The following MARCHF1 variants were observed in gnomAD, a reference collection of about 807,000 sequenced individuals.
The protein encoded by MARCHF1 is E3 ubiquitin-protein ligase MARCHF1.
A neutral mutation model predicts 54.2 loss-of-function variants in MARCHF1; 40 were observed. That is an observed-to-expected ratio of 0.74 (90% CI 0.57 to 0.96). The LOEUF is 0.96. Among genes scored for constraint, MARCHF1 ranks in the 40% least tolerant of loss-of-function variants. The probability of loss-of-function intolerance (pLI) is 0.00; values close to 1 mark genes in which losing one functional copy is unlikely to be tolerated. For synonymous variants in MARCHF1, 236 were observed against 236.3 expected (o/e 1.00, Z 0.01); for missense variants, 586 against 656.5 (o/e 0.89, Z 1.17).
chr4:163,684,190 G>A (rs572662715), intron 5 of MARCHF1, among the ~76,000 whole-genome samples: 1 of 152,288 alleles, frequency 6.6e-6, no homozygotes, highest in African/African-American at 2.4e-5. Context: ...TAGTTTCAAG[G>A]AGAAGGGAAC....
chr4:163,661,176 G>A (rs141346376), intron 5 of MARCHF1, among the ~76,000 whole-genome samples: 3 of 152,030 alleles, frequency 2.0e-5, no homozygotes, highest in Middle Eastern at 6.8e-3. Context: ...TTGGCTACAC[G>A]AATATTAAGT....
chr4:163,634,475 C>T (rs1265889029), intron 5 of MARCHF1, among the ~76,000 whole-genome samples: 2 of 145,288 alleles, frequency 1.4e-5, no homozygotes, highest in Non-Finnish European at 3.0e-5. Flanking sequence ...GACTTTAAAC[C>T]AACAAAGATC....
At chr4:163,778,146 C>T (rs931470423) in intron 4 of MARCHF1, among the ~76,000 whole-genome samples, 1 of 143,662 alleles carries the variant, frequency 7.0e-6, no homozygotes, top group African/African-American at 2.5e-5. Flanking sequence ...GGATATACCA[C>T]AGTTTTCTTA....
chr4:164,033,448 T>G (rs2110998738), intron 2 of MARCHF1, among the ~76,000 whole-genome samples: 1 of 152,160 alleles, frequency 6.6e-6, no homozygotes, highest in South Asian at 2.1e-4. Flanking sequence ...ACTAAAGAGC[T>G]TCTGCACAGC....
intron 2 of MARCHF1, among the ~76,000 whole-genome samples, chr4:164,091,875 T>TGTGTGG (rs1755310552): frequency 6.6e-6 from 1 of 151,080 alleles, no homozygotes; most frequent in Admixed American, 6.6e-5. Flanking sequence ...TGTGTGTGTG[T>TGTGTGG]GTGTGTGTGT....
chr4:164,208,909 T>C (rs1344522680), intron 1 of MARCHF1, among the ~76,000 whole-genome samples: 4 of 152,060 alleles, frequency 2.6e-5, no homozygotes, highest in Non-Finnish European at 5.9e-5. Flanking sequence ...GAGATCATAC[T>C]ACTCTAGTTT....
chr4:164,170,255 G>A (rs186263035), intron 1 of MARCHF1, among the ~76,000 whole-genome samples: 171 of 152,124 alleles, frequency 1.1e-3, no homozygotes, highest in African/African-American at 3.9e-3. Context: ...CACTGTCATG[G>A]ACACAGAGCT....
Position 163,985,229 on chromosome 4 carries a change from A to C in MARCHF1, c.-39+3272T>G, listed in dbSNP as rs761822043. Among the ~76,000 whole-genome samples the C allele has an allele frequency of 1.2e-4, 18 of 152,286 alleles. No homozygotes were observed. The East Asian group carries it at 3.5e-3, about 29-fold the overall frequency. On this transcript the variant is annotated intron_variant, in intron 3 of 9. Coordinates refer to ENST00000514618, the MANE Select transcript of MARCHF1 (RefSeq NM_001394959.1). Reference sequence around the variant, plus strand: ...TGTAGTAACCACTGGTTTTGCTAACAACATCTTCTGCCAGGACTGCAAGTC... The same window carrying C: ...TGTAGTAACCACTGGTTTTGCTAACCACATCTTCTGCCAGGACTGCAAGTC...
chr4:164,061,538 G>A (rs1298244874), intron 2 of MARCHF1, among the ~76,000 whole-genome samples: 1 of 63,500 alleles, frequency 1.6e-5, no homozygotes, highest in Admixed American at 1.5e-4. Flanking sequence ...TTGTGGGGTG[G>A]GGGGAGGGGG....
At chr4:163,724,133 T>G (rs1745573426) in intron 4 of MARCHF1, among the ~76,000 whole-genome samples, 1 of 145,420 alleles carries the variant, frequency 6.9e-6, no homozygotes, top group Non-Finnish European at 1.6e-5. Flanking sequence ...TTCTGCTCTG[T>G]TTTTTCCCCA....
chr4:163,678,952 C>T (rs1366609079), intron 5 of MARCHF1, among the ~76,000 whole-genome samples: 1 of 152,178 alleles, frequency 6.6e-6, no homozygotes, highest in Non-Finnish European at 1.5e-5. Context: ...TCCATACCTG[C>T]CCTGATTTCC....
At chr4:164,187,356 A>G (rs1190004006) in intron 1 of MARCHF1, among the ~76,000 whole-genome samples, 1 of 152,172 alleles carries the variant, frequency 6.6e-6, no homozygotes, top group East Asian at 1.9e-4. Context: ...GAAAATATGA[A>G]TAATGTCTTT....
At chr4:164,117,749 A>C (rs1023860212) in intron 1 of MARCHF1, among the ~76,000 whole-genome samples, 6 of 151,904 alleles carry the variant, frequency 3.9e-5, no homozygotes, top group African/African-American at 1.5e-4. Flanking sequence ...AAAATACAAA[A>C]ATTAGGTGGG....
intron 2 of MARCHF1, among the ~76,000 whole-genome samples, chr4:164,090,182 C>T (rs1023719308): frequency 1.3e-5 from 2 of 151,980 alleles, no homozygotes; most frequent in African/African-American, 4.8e-5. Context: ...TGAAGTATCA[C>T]TTTTGCCTTG....
At chr4:164,253,484 G>A (rs113112007) in intron 1 of MARCHF1, among the ~76,000 whole-genome samples, 2 of 152,188 alleles carry the variant, frequency 1.3e-5, no homozygotes, top group African/African-American at 4.8e-5. Context: ...TTAATAACAA[G>A]TCAGAACTAA....
chr4:164,303,053 G>A (rs557905908), intron 1 of MARCHF1, among the ~76,000 whole-genome samples: 36 of 152,118 alleles, frequency 2.4e-4, no homozygotes, highest in African/African-American at 8.7e-4. Context: ...TCATCTTTCT[G>A]GAGTGGTTGG....
chr4:163,583,105 C>G (rs1353021494), intron 8 of MARCHF1, among the ~76,000 whole-genome samples: 1 of 152,162 alleles, frequency 6.6e-6, no homozygotes, highest in Non-Finnish European at 1.5e-5. Flanking sequence ...CAGAGGTACA[C>G]AGATGAGTGG....
chr4:164,151,341 G>C (rs903891525), intron 1 of MARCHF1, among the ~76,000 whole-genome samples: 5 of 152,148 alleles, frequency 3.3e-5, no homozygotes, highest in Admixed American at 2.0e-4. Context: ...CAAAATTACG[G>C]AAACTACCAC....
At chr4:164,320,280 T>A (rs1223030681) in intron 1 of MARCHF1, among the ~76,000 whole-genome samples, 1 of 152,154 alleles carries the variant, frequency 6.6e-6, no homozygotes, top group Non-Finnish European at 1.5e-5. Context: ...GGGAATTAAG[T>A]CCAAAATCCT....
Sources: allele counts gnomAD v4.1 joint callset (sites outside exome capture counted in the v4.1 genomes callset), GRCh38; gene constraint gnomAD v4.1.1; transcripts MANE v1.5; gene names NCBI Gene and HGNC (gene_info 2026-07-23, HGNC 2026-07-21).